DPP6: variants seen among roughly 807,000 people sequenced by gnomAD.
DPP6 encodes A-type potassium channel modulatory protein DPP6.
A neutral mutation model predicts 122.6 loss-of-function variants in DPP6; 69 were observed. That is an observed-to-expected ratio of 0.56 (90% confidence interval 0.46 to 0.69). The LOEUF is 0.69. DPP6 is among the 30% of genes least tolerant of loss of function. The probability of loss-of-function intolerance (pLI) is 0.00; values close to 1 mark genes in which losing one functional copy is unlikely to be tolerated. For missense variants in DPP6, 928 were observed against 1,116.9 expected, an observed-to-expected ratio of 0.83 and a Z score of 2.41; for synonymous variants, 418 against 433.1, an observed-to-expected ratio of 0.97 and a Z score of 0.43.
At chr7:154,548,808 G>A (rs574576645) in intron 4 of DPP6, among the ~76,000 whole-genome samples, 3 of 152,282 alleles carry the variant, frequency 2.0e-5, no homozygotes, top group East Asian at 1.9e-4. Context: ...ATTTTGCAAC[G>A]GAGGTATTAA....
At chr7:154,545,898 A>G (rs1049712919) in intron 4 of DPP6, among the ~76,000 whole-genome samples, 1 of 152,222 alleles carries the variant, frequency 6.6e-6, no homozygotes. Context: ...CAATGCTATC[A>G]GTGACAAGAA....
the DPP6 span, among the ~76,000 whole-genome samples, chr7:153,795,607 C>G: frequency 6.6e-6 from 1 of 151,864 alleles, no homozygotes; most frequent in African/African-American, 2.4e-5. Flanking sequence ...TATTAATTTC[C>G]ACCCTGAACT....
chr7:154,486,880 G>A lies in DPP6; in HGVS notation c.457+11843G>A, dbSNP rs949974333. 1.3e-5 allele frequency among the ~76,000 whole-genome samples: 2 copies of A among 152,184 alleles called. No individual in the cohort carries two copies. The highest frequency in any genetic ancestry group is 2.4e-5 in the African/African-American group (1 of 41,450). ...CTCTAGTTCCTAACTGATGGATGAT[G>A]CTGGGCCCCGCTGTTGATGCTGCTT... On this transcript the variant is annotated intron_variant, in intron 3 of 25. Transcript: ENST00000377770. This position sits in a 1 kb window ranked among gnomAD's most constrained non-coding sequence, Gnocchi z 4.5.
At chr7:153,954,081 G>A (rs762961934) in intron 1 of DPP6, among the ~76,000 whole-genome samples, 5 of 152,250 alleles carry the variant, frequency 3.3e-5, no homozygotes, top group East Asian at 3.9e-4. Flanking sequence ...GATCTCCATC[G>A]CTTCTATAAA....
intron 1 of DPP6, among the ~76,000 whole-genome samples, chr7:154,141,130 A>C (rs1795820711): frequency 6.6e-6 from 1 of 152,206 alleles, no homozygotes; most frequent in African/African-American, 2.4e-5. Context: ...TCACGTTTGG[A>C]GAAGCATGGG....
intron 1 of DPP6, among the ~76,000 whole-genome samples, chr7:154,373,974 C>T (rs890459857): frequency 2.1e-4 from 32 of 152,178 alleles, no homozygotes; most frequent in African/African-American, 7.7e-4. Context: ...GTCAGAATTT[C>T]CTACCCTTTT....
chr7:153,947,262 A>G (rs545922488), intron 1 of DPP6, among the ~76,000 whole-genome samples: 2 of 152,148 alleles, frequency 1.3e-5, no homozygotes, highest in East Asian at 3.9e-4. Context: ...CAATTTTAAC[A>G]GCGGAAACCT....
intron 8 of DPP6, among the ~76,000 whole-genome samples, chr7:154,750,827 G>T (rs756381337): frequency 2.6e-5 from 4 of 152,188 alleles, no homozygotes; most frequent in Non-Finnish European, 4.4e-5. Context: ...GCAGTGGGCC[G>T]AGGATGGCCC....
At chr7:154,446,409 A>T in intron 2 of DPP6, 81 bp downstream of exon 2, 1 of 849,894 alleles carries the variant, frequency 1.2e-6, no homozygotes, top group East Asian at 2.7e-5. Context: ...TTTCTAAGTA[A>T]CTACCTATTA....
rs1391978347 is a variant in DPP6 at position 154,129,091 on chromosome 7, G to A, written c.243+76028G>A. Among the ~76,000 whole-genome samples, 36 of 152,086 alleles carry A rather than the reference G, an allele frequency of 2.4e-4. No homozygotes were observed. The East Asian group carries it at 6.8e-3, about 29-fold the overall frequency. The stretch of plus-strand genomic sequence containing the variant: ...ACCCCCAAGAAGAAAAGCCTGGGAA[G>A]TTCTTTCTACCCACATGCCATCTTT... On this transcript the variant is annotated intron_variant, in intron 1 of 25. Transcript: ENST00000377770.
intron 1 of DPP6, among the ~76,000 whole-genome samples, chr7:154,295,033 C>G (rs1805448624): frequency 6.6e-6 from 1 of 152,248 alleles, no homozygotes; most frequent in Admixed American, 6.5e-5. Context: ...GTGGGCAGAC[C>G]TGCCTGTGCC....
intron 7 of DPP6, among the ~76,000 whole-genome samples, chr7:154,724,373 C>T (rs1841963762): frequency 6.6e-6 from 1 of 152,190 alleles, no homozygotes; most frequent in Non-Finnish European, 1.5e-5. Context: ...CACAACTTCA[C>T]CCCAGACCTC....
chr7:153,833,783 T>C, the DPP6 span, among the ~76,000 whole-genome samples: 1 of 152,192 alleles, frequency 6.6e-6, no homozygotes, highest in South Asian at 2.1e-4. Context: ...CTGTACAACA[T>C]GGTCCTAAGT....
At chr7:154,680,704 T>A (rs911238934) in intron 7 of DPP6, among the ~76,000 whole-genome samples, 3 of 143,642 alleles carry the variant, frequency 2.1e-5, no homozygotes, top group Non-Finnish European at 3.1e-5. Flanking sequence ...TAAAAAAAAA[T>A]TAAAAAGAGA....
intron 1 of DPP6, among the ~76,000 whole-genome samples, chr7:154,346,368 G>T (rs1235653353): frequency 6.6e-6 from 1 of 151,902 alleles, no homozygotes; most frequent in African/African-American, 2.4e-5. Flanking sequence ...AATGAATGGC[G>T]CAATCTCGGC....
At chr7:154,786,463 C>T (rs1797342942) in intron 10 of DPP6, among the ~76,000 whole-genome samples, 1 of 152,172 alleles carries the variant, frequency 6.6e-6, no homozygotes, top group South Asian at 2.1e-4. Context: ...GGGGCAGTTA[C>T]TCCCATGCTG....
intron 1 of DPP6, among the ~76,000 whole-genome samples, chr7:154,304,194 G>A (rs574910050): frequency 1.1e-4 from 17 of 152,366 alleles, no homozygotes; most frequent in African/African-American, 3.6e-4. Flanking sequence ...CCAGGAGTGG[G>A]AAATGCATCA....
chr7:154,379,580 AG>A (rs776163726), intron 1 of DPP6, among the ~76,000 whole-genome samples: 2 of 152,242 alleles, frequency 1.3e-5, no homozygotes, highest in African/African-American at 2.4e-5. Context: ...TTGTCTTTAC[AG>A]AAGAATGCTC....
chr7:153,981,468 C>T (rs1339870095), intron 1 of DPP6, among the ~76,000 whole-genome samples: 2 of 152,206 alleles, frequency 1.3e-5, no homozygotes, highest in East Asian at 3.8e-4. Context: ...CTGAATACAG[C>T]ATACCAGTGG....
Sources: allele counts gnomAD v4.1 joint callset (sites outside exome capture counted in the v4.1 genomes callset), GRCh38; gene constraint gnomAD v4.1.1; non-coding constraint Gnocchi (gnomAD v3.1); transcripts MANE v1.5; gene names NCBI Gene and HGNC (gene_info 2026-07-23, HGNC 2026-07-21).